ZMAT1: variants seen among roughly 807,000 people sequenced by gnomAD.
ZMAT1 encodes zinc finger matrin-type protein 1.
ZMAT1 carries 11 observed loss-of-function variants against 18.5 expected under a neutral mutation model. The ratio of observed to expected loss-of-function variants is 0.59; its 90% CI spans 0.37 to 0.98. The LOEUF is 0.98. Ranked by LOEUF, ZMAT1 falls within the 50% of genes least tolerant of loss-of-function variation. The pLI is 0.01. For missense variants in ZMAT1, 525 were observed against 496.2 expected (o/e 1.06, Z -0.55); for synonymous variants, 211 against 176.4 (o/e 1.20, Z -1.55).
At chrX:101,908,318 G>A (rs1029554724) in intron 1 of ZMAT1, among the ~76,000 whole-genome samples, 4 of 111,593 alleles carry the variant, frequency 3.6e-5, no homozygotes, top group South Asian at 3.7e-4. Flanking sequence ...TCTTTAATAC[G>A]AATAAGTAAA....
Position 101,884,596 on chromosome X carries a change from G to A in ZMAT1, c.1002C>T (p.Phe334=). ...MFEQRLPFET[F]RTYAAPYNIS... The stretch of plus-strand genomic sequence containing the variant: ...TATTGTATGGTGCTGCGTATGTCCG[G>A]AAAGTCTCAAATGGGAGTCTTTGTT... Residue 334 remains phenylalanine, a synonymous_variant, in exon 6 of 6, where the codon TTC becomes TTT. Coordinates refer to ENST00000651725, the MANE Select transcript of ZMAT1 (RefSeq NM_001394560.1). 1 of 1,210,877 alleles carries A rather than the reference G, an allele frequency of 8.3e-7. No individual in the cohort carries two copies. The highest frequency in any genetic ancestry group is 1.1e-6 in the Non-Finnish European group (1 of 895,039).
chrX:101,883,317 C>CA lies in ZMAT1; in HGVS notation c.*192dup, dbSNP rs1926617638. The CA allele has an allele frequency of 3.2e-6, 1 of 314,903 alleles. No individual in the cohort carries two copies. Among genetic ancestry groups the CA allele is most frequent in the Non-Finnish European group, 5.4e-6 (1 of 184,674 alleles). 26.0% of individuals were successfully genotyped at this position (314,903 alleles called of 1,213,427 possible). ...TCCTTGAGTTCTTATGTTCTTTTCT[C>CA]AGAGGTTAAGTTTGGGCTTTTTTTT... On this transcript the variant is annotated 3_prime_UTR_variant, in exon 6 of 6. Transcript: ENST00000651725.
At chrX:101,900,713 T>G (rs1449678816) in intron 2 of ZMAT1, among the ~76,000 whole-genome samples, 1 of 112,225 alleles carries the variant, frequency 8.9e-6, no homozygotes, top group Non-Finnish European at 1.9e-5. Flanking sequence ...GGCCTTATAG[T>G]ATAGTTTGAA....
At chrX:101,931,625 G>A (rs968366462) in intron 1 of ZMAT1, 92 bp downstream of exon 1, 6 of 720,206 alleles carry the variant, frequency 8.3e-6, no homozygotes, top group South Asian at 7.0e-5. Flanking sequence ...GGGTGGGGCA[G>A]TGGCGAACCG....
chrX:101,898,844 T>A (rs1252435051), intron 2 of ZMAT1, among the ~76,000 whole-genome samples: 1 of 110,997 alleles, frequency 9.0e-6, no homozygotes, highest in African/African-American at 3.3e-5. Context: ...AGGTCAGGAG[T>A]TCGAGACCAG....
chrX:101,914,251 A>T (rs1321556907), intron 1 of ZMAT1, among the ~76,000 whole-genome samples: 2 of 111,178 alleles, frequency 1.8e-5, no homozygotes, highest in Non-Finnish European at 3.8e-5. Flanking sequence ...GTTTAGAAAA[A>T]CTTCAAGTAA....
intron 1 of ZMAT1, among the ~76,000 whole-genome samples, chrX:101,908,677 A>G (rs1928763388): frequency 9.0e-6 from 1 of 111,602 alleles, no homozygotes; most frequent in East Asian, 2.8e-4. Flanking sequence ...GACCAAACTC[A>G]GCTGGTACCC....
At chrX:101,926,285 T>A (rs1051567830) in intron 1 of ZMAT1, among the ~76,000 whole-genome samples, 1 of 112,247 alleles carries the variant, frequency 8.9e-6, no homozygotes, top group Non-Finnish European at 1.9e-5. Flanking sequence ...CCTTCAATGA[T>A]ATAAAAAGCA....
intron 1 of ZMAT1, among the ~76,000 whole-genome samples, chrX:101,923,794 A>G (rs1456302543): frequency 8.9e-6 from 1 of 112,073 alleles, no homozygotes; most frequent in African/African-American, 3.2e-5. Flanking sequence ...ATAAATGTAC[A>G]AAATTCATGG....
At chrX:101,906,568 C>G (rs1928636666) in intron 1 of ZMAT1, among the ~76,000 whole-genome samples, 1 of 112,085 alleles carries the variant, frequency 8.9e-6, no homozygotes, top group African/African-American at 3.2e-5. Flanking sequence ...TCTCAGTGTT[C>G]CAGCAGACCC....
intron 1 of ZMAT1, among the ~76,000 whole-genome samples, chrX:101,907,928 C>T (rs962805868): frequency 2.5e-4 from 28 of 111,586 alleles, no homozygotes; most frequent in Admixed American, 1.5e-3. Flanking sequence ...AGTACCTATA[C>T]CTATACCTAT....
rs767082637 is a variant in ZMAT1, at chrX:101,920,324, T to C, written c.292+11393A>G. ...CCTCCCAATGTACTGGGACTACAGG[T>C]GGGAGCCACTGTGCCCAGCCTAGAT... On this transcript the variant is annotated intron_variant, in intron 1 of 5. Coordinates refer to ENST00000651725, the MANE Select transcript of ZMAT1 (RefSeq NM_001394560.1). Among the ~76,000 whole-genome samples the C allele has an allele frequency of 1.6e-4, 18 of 111,723 alleles. No individual in the cohort carries two copies. In the East Asian group the frequency reaches 5.1e-3, roughly 31 times the overall value.
intron 4 of ZMAT1, 36 bp from the exon 5 acceptor site, chrX:101,886,767 T>C: frequency 1.0e-6 from 1 of 975,366 alleles, no homozygotes; most frequent in Non-Finnish European, 1.4e-6. Flanking sequence ...AGAAGGTCAG[T>C]ATAAATACAT....
At chrX:101,906,115 T>C (rs1928608312) in intron 1 of ZMAT1, among the ~76,000 whole-genome samples, 1 of 110,661 alleles carries the variant, frequency 9.0e-6, no homozygotes, top group African/African-American at 3.3e-5. Flanking sequence ...ACCCCAGTAA[T>C]ATCCAGTGCT....
chrX:101,896,477 G>T (rs992581424), intron 4 of ZMAT1, among the ~76,000 whole-genome samples: 4 of 111,719 alleles, frequency 3.6e-5, no homozygotes, highest in African/African-American at 6.5e-5. Context: ...ATGACAGGCA[G>T]AAAAAATGTA....
intron 1 of ZMAT1, among the ~76,000 whole-genome samples, chrX:101,906,069 G>A (rs1245143093): frequency 1.8e-5 from 2 of 110,702 alleles, no homozygotes; most frequent in Non-Finnish European, 3.8e-5. Flanking sequence ...AGGGAAGTGA[G>A]CACTGAACTT....
chrX:101,898,116 C>A lies in ZMAT1; in HGVS notation c.501+3G>T. 8.3e-7 allele frequency: 1 copy of A among 1,209,528 alleles called. No individual in the cohort carries two copies. On this transcript the variant is annotated splice_donor_region_variant and intron_variant, in intron 3 of 5. Coordinates refer to ENST00000651725, the MANE Select transcript of ZMAT1 (RefSeq NM_001394560.1). ...GATTACAATACCAACACACATCACT[C>A]ACCTGAAAATTCTCAACATGCATCT... is the stretch of plus-strand genomic sequence containing the variant.
chrX:101,886,683 G>A lies in ZMAT1; in HGVS notation c.725C>T (p.Thr242Ile). ...GTGGGACCGGAACATATCTAAAGAT[G>A]TAAAAGCAATACTACAAATATGGCA... ...YVCHICSIAFTSLDMFRSHMQ... is the reference protein window; with the variant it reads ...YVCHICSIAFISLDMFRSHMQ... The change falls in exon 5 of 6, where the codon ACA becomes ATA. Residue 242 changes from threonine (T) to isoleucine (I), a missense_variant. Physicochemically the swap from Thr to Ile is moderately conservative, Grantham distance 89. Coordinates refer to ENST00000651725, the MANE Select transcript of ZMAT1 (RefSeq NM_001394560.1). 8.3e-7 allele frequency: 1 copy of A among 1,206,604 alleles called. No individual in the cohort carries two copies.
intron 1 of ZMAT1, among the ~76,000 whole-genome samples, chrX:101,923,798 T>C (rs2147678489): frequency 8.9e-6 from 1 of 111,924 alleles, no homozygotes; most frequent in South Asian, 3.7e-4. Flanking sequence ...ATGTACAAAA[T>C]TCATGGCAGA....
Sources: gnomAD v4.1 joint callset for allele counts (sites outside exome capture counted in the v4.1 genomes callset) on GRCh38, gnomAD v4.1.1 for gene constraint, MANE v1.5 for transcripts, NCBI Gene and HGNC (gene_info 2026-07-23, HGNC 2026-07-21) for gene names.